NCKAP5: variants seen among roughly 807,000 people sequenced by gnomAD.
NCKAP5 encodes the protein NCK associated protein 5.
In NCKAP5, 92 loss-of-function variants were observed where a neutral mutation model predicts 167.0. The ratio of observed to expected loss-of-function variants is 0.55; its 90% CI spans 0.47 to 0.66. The LOEUF is 0.66. Among genes scored for constraint, NCKAP5 ranks in the 30% least tolerant of loss-of-function variants. The pLI, the probability that NCKAP5 is intolerant of heterozygous loss-of-function variation, is 0.00. For missense variants in NCKAP5, 2,378 were observed against 2,315.0 expected (o/e 1.03, Z -0.56); for synonymous variants, 891 against 877.4 (o/e 1.02, Z -0.27).
intron 4 of NCKAP5, chr2:133,284,747 GA>G (rs1457144314): frequency 6.6e-6 from 1 of 152,188 alleles, no homozygotes; most frequent in Non-Finnish European, 1.5e-5. Context: ...TCAGGACTTT[GA>G]AAGCCCATGA....
chr2:133,191,589 TA>T (rs1194861459), intron 5 of NCKAP5, among the ~76,000 whole-genome samples: 1 of 152,016 alleles, frequency 6.6e-6, no homozygotes, highest in Non-Finnish European at 1.5e-5. Context: ...TATGCAGCCA[TA>T]AAAAAGGATG....
chr2:132,808,133 CTA>C (rs1161936198), intron 11 of NCKAP5, among the ~76,000 whole-genome samples: 1 of 151,936 alleles, frequency 6.6e-6, no homozygotes, highest in Non-Finnish European at 1.5e-5. Context: ...TTTATCTTTT[CTA>C]TATGTTGTTG....
chr2:133,413,602 A>T (rs752586383), intron 3 of NCKAP5, among the ~76,000 whole-genome samples: 4 of 92,906 alleles, frequency 4.3e-5, no homozygotes, highest in Non-Finnish European at 9.4e-5. Flanking sequence ...AAAACCAGGT[A>T]AAAAAAAAAA....
intron 12 of NCKAP5, among the ~76,000 whole-genome samples, chr2:132,790,965 G>A (rs1205320162): frequency 6.6e-6 from 1 of 152,152 alleles, no homozygotes; most frequent in East Asian, 1.9e-4. Flanking sequence ...TGCTACAAAA[G>A]GACGAAGATA....
chr2:132,736,310 A>C (rs1265660513), intron 16 of NCKAP5, among the ~76,000 whole-genome samples: 1 of 152,236 alleles, frequency 6.6e-6, no homozygotes, highest in Non-Finnish European at 1.5e-5. Flanking sequence ...CTTGCAGTTC[A>C]TAAAAATATT....
At chr2:133,027,641 G>A (rs958093581) in intron 6 of NCKAP5, among the ~76,000 whole-genome samples, 21 of 152,056 alleles carry the variant, frequency 1.4e-4, no homozygotes, top group African/African-American at 5.1e-4. Flanking sequence ...AGGGGAGGCT[G>A]GACTAGAACT....
chr2:132,898,136 A>G (rs1693347552), intron 8 of NCKAP5, among the ~76,000 whole-genome samples: 1 of 152,236 alleles, frequency 6.6e-6, no homozygotes, highest in Non-Finnish European at 1.5e-5. Flanking sequence ...AGTTTATGTA[A>G]TATGCTGAAA....
rs150499267 is a variant in NCKAP5, at chr2:133,351,314, G to C, written c.70-48204C>G. 3.9e-4 allele frequency among the ~76,000 whole-genome samples: 59 copies of C among 152,260 alleles called. No individual in the cohort carries two copies. In the East Asian group the frequency reaches 0.011, roughly 29 times the overall value. On this transcript the variant is annotated intron_variant, in intron 3 of 19. Transcript: ENST00000409261. ...TTAATGATTTAAAAACCAAGCTTTG[G>C]AATGAGACGGGCCCAAGTGTGAAAC...
intron 2 of NCKAP5, among the ~76,000 whole-genome samples, chr2:133,545,525 T>C (rs1042941001): frequency 6.6e-6 from 1 of 152,116 alleles, no homozygotes; most frequent in African/African-American, 2.4e-5. Flanking sequence ...CAGAGTTTGA[T>C]AGGCTGCCTA....
At chr2:133,346,120 A>G (rs1683959220) in intron 3 of NCKAP5, among the ~76,000 whole-genome samples, 2 of 152,186 alleles carry the variant, frequency 1.3e-5, no homozygotes, top group Non-Finnish European at 2.9e-5. Flanking sequence ...CCCCACTCTA[A>G]GCAACGTTTG....
intron 16 of NCKAP5, among the ~76,000 whole-genome samples, chr2:132,752,708 TAGA>T (rs1680217412): frequency 6.6e-6 from 1 of 152,154 alleles, no homozygotes; most frequent in African/African-American, 2.4e-5. Flanking sequence ...ACAGAACCAA[TAGA>T]AGATGTGTGT....
the NCKAP5 span, among the ~76,000 whole-genome samples, chr2:133,636,538 T>C: frequency 6.6e-6 from 1 of 152,178 alleles, no homozygotes; most frequent in East Asian, 1.9e-4. Flanking sequence ...AAGGGCTTGG[T>C]TAACTTGGTT....
chr2:132,686,812 G>A (rs967813655), intron 19 of NCKAP5, among the ~76,000 whole-genome samples: 4 of 152,080 alleles, frequency 2.6e-5, no homozygotes, highest in South Asian at 2.1e-4. Flanking sequence ...TTTAGAAAGC[G>A]GAGATAATAA....
At chr2:133,665,595 A>G in the NCKAP5 span, among the ~76,000 whole-genome samples, 1 of 152,218 alleles carries the variant, frequency 6.6e-6, no homozygotes, top group African/African-American at 2.4e-5. Context: ...AAAAGTCTGA[A>G]ATATTGTGAG....
chr2:133,384,180 A>G (rs1011996799), intron 3 of NCKAP5, among the ~76,000 whole-genome samples: 2 of 152,148 alleles, frequency 1.3e-5, no homozygotes, highest in Admixed American at 1.3e-4. Flanking sequence ...TAGGGTTTTT[A>G]TGGTTTCAGG....
the NCKAP5 span, among the ~76,000 whole-genome samples, chr2:133,631,801 T>C: frequency 6.6e-6 from 1 of 152,168 alleles, no homozygotes; most frequent in Non-Finnish European, 1.5e-5. Context: ...GCTGTCAATC[T>C]TTCTGGAAAA....
chr2:132,938,970 A>G (rs1697063506), intron 8 of NCKAP5, among the ~76,000 whole-genome samples: 1 of 152,206 alleles, frequency 6.6e-6, no homozygotes, highest in South Asian at 2.1e-4. Flanking sequence ...GAGGTTTTCA[A>G]TTGAACAAGG....
At chr2:132,724,994 C>A (rs1690309410) in intron 19 of NCKAP5, among the ~76,000 whole-genome samples, 1 of 152,194 alleles carries the variant, frequency 6.6e-6, no homozygotes, top group Non-Finnish European at 1.5e-5. Flanking sequence ...TCCATTGCAT[C>A]ATTACAATAT....
At chr2:133,418,498 T>C (rs1285290905) in intron 3 of NCKAP5, among the ~76,000 whole-genome samples, 6 of 152,188 alleles carry the variant, frequency 3.9e-5, no homozygotes, top group African/African-American at 1.4e-4. Context: ...TAGCATTGTT[T>C]TAAAAAGTTA....
Sources: gnomAD v4.1 joint callset for allele counts (sites outside exome capture counted in the v4.1 genomes callset) on GRCh38, gnomAD v4.1.1 for gene constraint, MANE v1.5 for transcripts, NCBI Gene and HGNC (gene_info 2026-07-23, HGNC 2026-07-21) for gene names.